The following AUTS2 variants were observed in gnomAD, a reference collection of about 807,000 sequenced individuals.
AUTS2 encodes the protein autism susceptibility gene 2 protein.
A neutral mutation model predicts 112.4 loss-of-function variants in AUTS2; 17 were observed. The observed-to-expected ratio is 0.15, with a 90% CI of 0.10 to 0.23. The LOEUF (loss-of-function observed/expected upper bound fraction) is 0.23, where lower values mean the gene tolerates loss of function less well. Ranked by LOEUF, AUTS2 falls within the 10% of genes least tolerant of loss-of-function variation. AUTS2 has a pLI of 1.00. For missense variants in AUTS2, 1,510 were observed against 1,701.6 expected (o/e 0.89, Z 1.98); for synonymous variants, 751 against 702.7 (o/e 1.07, Z -1.09).
intron 4 of AUTS2, among the ~76,000 whole-genome samples, chr7:70,166,066 C>A (rs1464759317): frequency 2.0e-5 from 3 of 152,156 alleles, no homozygotes; most frequent in Non-Finnish European, 4.4e-5. Context: ...TTCCCCTTCA[C>A]CTTCTGCCAT....
intron 5 of AUTS2, among the ~76,000 whole-genome samples, chr7:70,611,810 C>T (rs556494415): frequency 3.1e-4 from 47 of 152,310 alleles, no homozygotes; most frequent in African/African-American, 1.1e-3. Flanking sequence ...CAAAATGCCA[C>T]TTACAGCCTT....
intron 2 of AUTS2, among the ~76,000 whole-genome samples, chr7:69,963,060 A>C (rs568427811): frequency 1.3e-5 from 2 of 152,132 alleles, no homozygotes; most frequent in Non-Finnish European, 1.5e-5. Context: ...ATTCCTCCAC[A>C]TAGATTGTCC....
intron 1 of AUTS2, among the ~76,000 whole-genome samples, chr7:69,702,878 AT>A (rs1464403317): frequency 6.6e-6 from 1 of 152,226 alleles, no homozygotes; most frequent in African/African-American, 2.4e-5. Context: ...TTAATGTGCC[AT>A]TCACCAAACA....
intron 4 of AUTS2, among the ~76,000 whole-genome samples, chr7:70,381,457 A>G (rs578112077): frequency 2.0e-5 from 3 of 152,250 alleles, no homozygotes; most frequent in Non-Finnish European, 4.4e-5. Context: ...AATTTATGAG[A>G]AAGTACAACA....
chr7:70,785,174 G>A (rs1007653908), intron 16 of AUTS2, among the ~76,000 whole-genome samples, 155 bp downstream of exon 16: 3 of 152,254 alleles, frequency 2.0e-5, no homozygotes, highest in African/African-American at 7.2e-5. Flanking sequence ...AGGAGTTTCA[G>A]TACATCCCGT....
rs538278756 is a variant in AUTS2, at chr7:70,297,449, G to A, written c.661-138303G>A. On this transcript the variant is annotated intron_variant, in intron 4 of 18. Coordinates refer to ENST00000342771, the MANE Select transcript of AUTS2 (RefSeq NM_015570.4). The stretch of plus-strand genomic sequence containing the variant: ...TAATTTTTTTTTTTTTTTTTTTATC[G>A]AGACAGAGTCTCGCTCTGTCACCCA... 1.2e-4 allele frequency among the ~76,000 whole-genome samples: 16 copies of A among 134,940 alleles called. No homozygotes were observed. The South Asian group carries it at 3.8e-3, about 32-fold the overall frequency. The allele number at this position is 134,940 out of a possible 152,430, so 88.5% of individuals were successfully genotyped here.
At chr7:69,881,572 CT>C (rs1027257641) in intron 1 of AUTS2, among the ~76,000 whole-genome samples, 6 of 152,118 alleles carry the variant, frequency 3.9e-5, no homozygotes, top group African/African-American at 1.4e-4. Flanking sequence ...TTCAGGACTT[CT>C]TTTTGCCTCT....
At chr7:69,702,603 G>C (rs890364058) in intron 1 of AUTS2, among the ~76,000 whole-genome samples, 4 of 152,108 alleles carry the variant, frequency 2.6e-5, no homozygotes, top group African/African-American at 7.2e-5. Context: ...GCACTTGTGG[G>C]GTGATTTCTA....
chr7:69,905,164 TAGTGAGCATAAACATCACTTAACTTC>T lies in AUTS2; in HGVS notation c.522+5673_522+5698del, dbSNP rs1250665272. 2.0e-5 allele frequency among the ~76,000 whole-genome samples: 3 copies of T among 152,350 alleles called. No individual in the cohort carries two copies. The East Asian group carries it at 5.8e-4, about 29-fold the overall frequency. On this transcript the variant is annotated intron_variant, in intron 2 of 18. Transcript: ENST00000342771. ...TGCTGTGAGCCCTGAATGTTGGGAATAGTGAGCATAAACATCACTTAACTTCAGTGAGATACATCTTTGGAATGTTA... is the reference window on the plus strand; with the variant it reads ...TGCTGTGAGCCCTGAATGTTGGGAATAGTGAGATACATCTTTGGAATGTTA...
chr7:69,974,034 G>C (rs1480095762), intron 2 of AUTS2, among the ~76,000 whole-genome samples: 1 of 151,958 alleles, frequency 6.6e-6, no homozygotes, highest in Non-Finnish European at 1.5e-5. Context: ...GAATTCTGTA[G>C]TGGAAACCCA....
chr7:70,279,083 G>T (rs1788079363), intron 4 of AUTS2, among the ~76,000 whole-genome samples: 1 of 152,160 alleles, frequency 6.6e-6, no homozygotes, highest in South Asian at 2.1e-4. Context: ...TTGGGATTTT[G>T]TATACCTTTG....
intron 2 of AUTS2, among the ~76,000 whole-genome samples, chr7:70,103,826 C>T (rs1804624888): frequency 2.6e-5 from 4 of 151,528 alleles, no homozygotes; most frequent in Non-Finnish European, 5.9e-5. Context: ...AGGAGAATCG[C>T]TTGAACCTGG....
intron 5 of AUTS2, among the ~76,000 whole-genome samples, chr7:70,610,767 TG>T (rs1482571720): frequency 6.6e-6 from 1 of 152,204 alleles, no homozygotes. Context: ...TAAATATATC[TG>T]TTGGCCATTT....
At chr7:70,353,816 G>A (rs1267467829) in intron 4 of AUTS2, among the ~76,000 whole-genome samples, 1 of 152,138 alleles carries the variant, frequency 6.6e-6, no homozygotes, top group East Asian at 1.9e-4. Flanking sequence ...GAGCTGTTAG[G>A]GAAGATGTTT....
chr7:70,310,439 T>C (rs558971019), intron 4 of AUTS2, among the ~76,000 whole-genome samples: 76 of 151,742 alleles, frequency 5.0e-4, no homozygotes, highest in Non-Finnish European at 9.1e-4. Context: ...TGAAACCCCG[T>C]CTCTACTAAA....
chr7:69,869,605 G>A (rs749209516), intron 1 of AUTS2, among the ~76,000 whole-genome samples: 6 of 151,918 alleles, frequency 3.9e-5, no homozygotes, highest in Non-Finnish European at 5.9e-5. Context: ...AAATAAATTT[G>A]TGGTATTCTT....
rs545099548 is a variant in AUTS2 at position 70,276,377 on chromosome 7, C to CT, written c.660+141821dup. ...TTTTTCTCTAAAGTAAATTTTGTGA[C>CT]TTTTTTTTTTTTTTTGAGATGGAGT... On this transcript the variant is annotated intron_variant, in intron 4 of 18. Transcript: ENST00000342771. 3.9e-3 allele frequency among the ~76,000 whole-genome samples: 542 copies of CT among 139,842 alleles called. 3 individuals carry two copies. Among genetic ancestry groups the CT allele is most frequent in the African/African-American group, 9.2e-3 (354 of 38,380 alleles). 91.7% of individuals were successfully genotyped at this position (139,842 alleles called of 152,430 possible).
rs766792818 is a variant in AUTS2, at chr7:70,729,178, T to C, written c.742+30558T>C. Reference sequence around the variant, plus strand: ...GTGCTTTCCAGAGCCTTTGGAGACCTGTGCCGGGGGTGGGGCTTGGAGCTC... The same window carrying C: ...GTGCTTTCCAGAGCCTTTGGAGACCCGTGCCGGGGGTGGGGCTTGGAGCTC... On this transcript the variant is annotated intron_variant, in intron 6 of 18. Coordinates refer to ENST00000342771, the MANE Select transcript of AUTS2 (RefSeq NM_015570.4). 6.6e-6 allele frequency: 3 copies of C among 456,488 alleles called. No individual in the cohort carries two copies. In the East Asian group the frequency reaches 2.1e-4, roughly 32 times the overall value. The allele number at this position is 456,488 out of a possible 1,614,324, so 28.3% of individuals were successfully genotyped here. A position where few individuals can be genotyped will look rare whatever the true frequency, so the allele number is the denominator to read the frequency against.
intron 6 of AUTS2, among the ~76,000 whole-genome samples, chr7:70,758,310 G>A (rs989018439): frequency 2.0e-5 from 3 of 151,984 alleles, no homozygotes; most frequent in African/African-American, 7.3e-5. Context: ...TGTGTCTGTA[G>A]ACTAAATCCT....
Sources: gnomAD v4.1 joint callset for allele counts (sites outside exome capture counted in the v4.1 genomes callset) on GRCh38, gnomAD v4.1.1 for gene constraint, MANE v1.5 for transcripts, NCBI Gene and HGNC (gene_info 2026-07-23, HGNC 2026-07-21) for gene names.